The following LZTFL1 variants were observed in gnomAD, a reference collection of about 807,000 sequenced individuals.
The protein encoded by LZTFL1 is leucine zipper transcription factor-like protein 1.
Under a neutral mutation model 45.9 loss-of-function variants are expected in LZTFL1, and 25 were observed. The ratio of observed to expected loss-of-function variants is 0.54; its 90% CI spans 0.40 to 0.76. The LOEUF (loss-of-function observed/expected upper bound fraction) is 0.76. Among genes scored for constraint, LZTFL1 ranks in the 30% least tolerant of loss-of-function variants. The pLI, the probability that LZTFL1 is intolerant of heterozygous loss-of-function variation, is 0.00. For synonymous variants in LZTFL1, 93 were observed against 117.4 expected (o/e 0.79, Z 1.35); for missense variants, 277 against 331.1 (o/e 0.84, Z 1.27).
rs73830610 is a variant in LZTFL1, at chr3:45,902,327, C to T, written c.-215+10793G>A. ...TACAGACCGCAAAAGCAGAAAGTTT[C>T]GTGAAAATGTCCATCTTTGGGAAAT... On this transcript the variant is annotated intron_variant, in intron 2 of 4. Transcript: ENST00000472635. The T allele has an allele frequency of 6.4e-3, 1,118 of 173,700 alleles. 13 individuals carry two copies. Among genetic ancestry groups the T allele is most frequent in the Middle Eastern group, 0.036 (11 of 308 alleles). 10.8% of individuals were successfully genotyped at this position (173,700 alleles called of 1,614,324 possible).
chr3:45,851,795 C>G (rs1701313972), intron 4 of LZTFL1, among the ~76,000 whole-genome samples: 1 of 151,756 alleles, frequency 6.6e-6, no homozygotes. Flanking sequence ...CTGAAGTGAG[C>G]CATGATCACA....
At chr3:45,906,337 T>C (rs1457263395) in intron 2 of LZTFL1, among the ~76,000 whole-genome samples, 4 of 152,178 alleles carry the variant, frequency 2.6e-5, no homozygotes, top group African/African-American at 4.8e-5. Context: ...TTGAGCACCA[T>C]TGCTAACCCT....
chr3:45,851,472 G>A (rs1443788848), intron 4 of LZTFL1, among the ~76,000 whole-genome samples: 3 of 151,698 alleles, frequency 2.0e-5, no homozygotes, highest in Non-Finnish European at 4.4e-5. Context: ...TGATCCGCCC[G>A]CCTCGGCCTC....
chr3:45,826,444 G>A (rs1259797875), intron 9 of LZTFL1, 112 bp from the exon 10 acceptor site: 10 of 861,642 alleles, frequency 1.2e-5, no homozygotes, highest in Middle Eastern at 3.4e-4. Context: ...TTACTGTTAC[G>A]GTAGAAGTTG....
intron 2 of LZTFL1, chr3:45,895,165 T>C: frequency 1.7e-6 from 1 of 587,526 alleles, no homozygotes; most frequent in African/African-American, 1.9e-5. Context: ...TTGGGGTATG[T>C]TGTGGAGACA....
chr3:45,855,765 C>G (rs568967233), intron 3 of LZTFL1, among the ~76,000 whole-genome samples: 4 of 147,346 alleles, frequency 2.7e-5, no homozygotes, highest in Admixed American at 1.3e-4. Flanking sequence ...CACAAATAGA[C>G]AGACAGCCAA....
chr3:45,861,003 T>C (rs73064426), intron 2 of LZTFL1, among the ~76,000 whole-genome samples: 9,607 of 152,152 alleles, frequency 0.063, 394 homozygotes, highest in Middle Eastern at 0.11. Context: ...TTAGTTAGGA[T>C]TATTTTTAGA....
At chr3:45,854,918 A>G (rs557830432) in intron 4 of LZTFL1, 1 of 1,152,166 alleles carries the variant, frequency 8.7e-7, no homozygotes, top group Non-Finnish European at 1.2e-6. Flanking sequence ...CTGGAATAAC[A>G]ATAAAAAAAC....
At position 45,901,354 on chromosome 3, in the gene LZTFL1, T is replaced by C. The variant is rs200109122; in HGVS notation, c.-215+11766A>G. 5.0e-6 allele frequency: 8 copies of C among 1,614,168 alleles called. No individual in the cohort carries two copies. In the South Asian group the frequency reaches 7.7e-5, roughly 16 times the overall value. ...ATCCCAGAAATCTTATACAGCCAAA[T>C]CAAGGAGGAATCCGGCATTGCTATC... On this transcript the variant is annotated intron_variant, in intron 2 of 4. Coordinates refer to the LZTFL1 transcript ENST00000472635. This position sits in a 1 kb window ranked among gnomAD's most constrained non-coding sequence, Gnocchi z 4.3.
intron 2 of LZTFL1, among the ~76,000 whole-genome samples, chr3:45,889,692 T>C (rs1322251056): frequency 6.6e-6 from 1 of 152,032 alleles, no homozygotes; most frequent in Non-Finnish European, 1.5e-5. Context: ...TTCTATTTTT[T>C]TTTTTTTAAA....
intron 2 of LZTFL1, chr3:45,897,531 T>C: frequency 1.4e-6 from 2 of 1,469,596 alleles, no homozygotes; most frequent in Non-Finnish European, 1.8e-6. Flanking sequence ...CTGGGATTTC[T>C]GCACAATTTC....
chr3:45,862,849 GA>G (rs1049082910), intron 2 of LZTFL1, among the ~76,000 whole-genome samples: 21 of 152,370 alleles, frequency 1.4e-4, no homozygotes, highest in Admixed American at 1.2e-3. Context: ...ATATCTTGAA[GA>G]TGTGGAGGGA....
At chr3:45,914,910 A>T (rs1702867251) in intron 1 of LZTFL1, among the ~76,000 whole-genome samples, 2 of 152,056 alleles carry the variant, frequency 1.3e-5, no homozygotes, top group South Asian at 4.2e-4. Flanking sequence ...CTCTTCCAAG[A>T]CCTTGGGTTC....
At position 45,895,379 on chromosome 3, in the gene LZTFL1, T is replaced by G. The variant is rs987832831; in HGVS notation, c.-215+17741A>C. Among the ~76,000 whole-genome samples, 4 of 152,218 alleles carry G rather than the reference T, an allele frequency of 2.6e-5. No individual in the cohort carries two copies. In the South Asian group the frequency reaches 8.3e-4, roughly 31 times the overall value. On this transcript the variant is annotated intron_variant, in intron 2 of 4. Transcript: ENST00000472635. ...TAGACCTTATGAAAACACGTAACAG[T>G]ATACATTCCCCTGAAAGAGACCAAG...
At chr3:45,871,260 A>G (rs1353142012) in intron 2 of LZTFL1, among the ~76,000 whole-genome samples, 5 of 152,234 alleles carry the variant, frequency 3.3e-5, no homozygotes, top group Admixed American at 6.5e-5. Flanking sequence ...CAAACTTTGT[A>G]TCTTAGCAGA....
chr3:45,834,126 T>C, intron 4 of LZTFL1, 112 bp downstream of exon 4: 1 of 611,916 alleles, frequency 1.6e-6, no homozygotes, highest in South Asian at 2.3e-5. Flanking sequence ...TACTCTTGAA[T>C]TGAATGCTTT....
chr3:45,864,310 C>T (rs1039713762), intron 2 of LZTFL1, among the ~76,000 whole-genome samples: 5 of 152,096 alleles, frequency 3.3e-5, no homozygotes, highest in Admixed American at 6.5e-5. Context: ...AATTTTAATA[C>T]GTGATACCTG....
intron 2 of LZTFL1, among the ~76,000 whole-genome samples, chr3:45,904,774 C>T (rs1424522509): frequency 6.6e-6 from 1 of 152,238 alleles, no homozygotes; most frequent in East Asian, 1.9e-4. Context: ...CAATGCAAAG[C>T]TGTCTCACAC....
intron 2 of LZTFL1, among the ~76,000 whole-genome samples, chr3:45,877,842 T>C (rs1260652461): frequency 1.3e-5 from 2 of 151,090 alleles, no homozygotes; most frequent in East Asian, 1.9e-4. Context: ...GCCTCCCAGG[T>C]TCAAGCAATT....
Sources: allele counts gnomAD v4.1 joint callset (sites outside exome capture counted in the v4.1 genomes callset), GRCh38; gene constraint gnomAD v4.1.1; non-coding constraint Gnocchi (gnomAD v3.1); transcripts MANE v1.5; gene names NCBI Gene and HGNC (gene_info 2026-07-23, HGNC 2026-07-21).